MACROD2: variants seen among roughly 807,000 people sequenced by gnomAD.
MACROD2 encodes mono-ADP ribosylhydrolase 2.
A neutral mutation model predicts 70.4 loss-of-function variants in MACROD2; 36 were observed. The ratio of observed to expected loss-of-function variants is 0.51; its 90% confidence interval spans 0.39 to 0.68. The LOEUF is 0.68. Ranked by LOEUF, MACROD2 falls within the 30% of genes least tolerant of loss-of-function variation. The probability of loss-of-function intolerance (pLI) is 0.00; values close to 1 mark genes in which losing one functional copy is unlikely to be tolerated. For missense variants in MACROD2, 496 were observed against 538.4 expected, an observed-to-expected ratio of 0.92 and a Z score of 0.78; for synonymous variants, 172 against 178.8, an observed-to-expected ratio of 0.96 and a Z score of 0.30.
chr20:15,281,469 C>A (rs537552902), intron 6 of MACROD2, among the ~76,000 whole-genome samples: 1 of 152,154 alleles, frequency 6.6e-6, no homozygotes, highest in African/African-American at 2.4e-5. Context: ...TGGATAAATG[C>A]ACCCATTCCA....
chr20:15,261,301 T>A (rs745611454), intron 6 of MACROD2, among the ~76,000 whole-genome samples: 19 of 152,038 alleles, frequency 1.2e-4, no homozygotes, highest in Non-Finnish European at 2.1e-4. Flanking sequence ...TCCCTAGAAT[T>A]AATTAGAAAA....
intron 5 of MACROD2, among the ~76,000 whole-genome samples, chr20:15,193,804 C>T (rs1391794365): frequency 3.3e-5 from 5 of 151,790 alleles, no homozygotes; most frequent in Non-Finnish European, 5.9e-5. Context: ...TACAAAGGAG[C>T]GGGTGAGAAA....
chr20:14,084,510 C>T (rs2054051136), intron 2 of MACROD2, among the ~76,000 whole-genome samples: 1 of 152,050 alleles, frequency 6.6e-6, no homozygotes, highest in Non-Finnish European at 1.5e-5. Flanking sequence ...TTATGAATAG[C>T]AATTCAAAAT....
intron 5 of MACROD2, among the ~76,000 whole-genome samples, chr20:15,205,211 A>T (rs941691490): frequency 6.6e-6 from 1 of 152,184 alleles, no homozygotes; most frequent in African/African-American, 2.4e-5. Flanking sequence ...GAATTTAAAC[A>T]TCTAGACAGA....
chr20:14,843,888 T>C (rs767703790), intron 5 of MACROD2, among the ~76,000 whole-genome samples: 13 of 152,218 alleles, frequency 8.5e-5, no homozygotes, highest in Admixed American at 3.3e-4. Context: ...TATGGCCCTA[T>C]GTTCTGATGC....
chr20:14,493,166 A>G (rs1417959902), intron 3 of MACROD2, among the ~76,000 whole-genome samples: 1 of 151,980 alleles, frequency 6.6e-6, no homozygotes, highest in Non-Finnish European at 1.5e-5. Context: ...GATAAAATGG[A>G]GAGCTCAGAA....
chr20:15,282,972 T>G (rs1321700909), intron 6 of MACROD2, among the ~76,000 whole-genome samples: 1 of 152,108 alleles, frequency 6.6e-6, no homozygotes, highest in Non-Finnish European at 1.5e-5. Context: ...CTTACAATCA[T>G]GGTAGCAAAG....
At chr20:15,238,929 A>G (rs184217144) in intron 6 of MACROD2, among the ~76,000 whole-genome samples, 21 of 152,206 alleles carry the variant, frequency 1.4e-4, no homozygotes, top group Non-Finnish European at 2.8e-4. Context: ...TATTACAGTG[A>G]AATTTGTATA....
At chr20:15,917,814 G>T (rs1293181685) in intron 10 of MACROD2, among the ~76,000 whole-genome samples, 1 of 150,848 alleles carries the variant, frequency 6.6e-6, no homozygotes, top group Non-Finnish European at 1.5e-5. Flanking sequence ...GTATTAACAT[G>T]TATGTGTGAT....
At chr20:14,528,038 A>C (rs1392161137) in intron 4 of MACROD2, among the ~76,000 whole-genome samples, 1 of 152,216 alleles carries the variant, frequency 6.6e-6, no homozygotes, top group Non-Finnish European at 1.5e-5. Context: ...CATATAAACT[A>C]AAATCTTATA....
At chr20:15,760,312 A>G (rs1200069370) in intron 8 of MACROD2, among the ~76,000 whole-genome samples, 1 of 152,208 alleles carries the variant, frequency 6.6e-6, no homozygotes, top group Non-Finnish European at 1.5e-5. Context: ...CGCAAAGGGA[A>G]TGCCTCAAGA....
intron 5 of MACROD2, among the ~76,000 whole-genome samples, chr20:14,856,901 C>T (rs2073260791): frequency 6.6e-6 from 1 of 152,010 alleles, no homozygotes; most frequent in Non-Finnish European, 1.5e-5. Context: ...CACATATTTC[C>T]ATCATCTCAT....
chr20:15,416,766 G>T (rs2046156871), intron 6 of MACROD2, among the ~76,000 whole-genome samples: 1 of 141,534 alleles, frequency 7.1e-6, no homozygotes, highest in African/African-American at 2.8e-5. Context: ...TAGCGGGGCG[G>T]TGGGGGGGCG....
chr20:15,321,167 C>T lies in MACROD2; in HGVS notation c.540+91106C>T, dbSNP rs138148667. 6.6e-5 allele frequency among the ~76,000 whole-genome samples: 7 copies of T among 106,300 alleles called. No homozygotes were observed. In the East Asian group the frequency reaches 1.8e-3, roughly 27 times the overall value. 69.7% of individuals were successfully genotyped at this position (106,300 alleles called of 152,430 possible). On this transcript the variant is annotated intron_variant, in intron 6 of 17. Transcript: ENST00000684519. ...TCAGTTGATAGGGCTGCCAGGCAGA[C>T]AGTGAGCAGAATTCTTTCTGGACTC...
chr20:15,063,208 G>T (rs2075546913), intron 5 of MACROD2, among the ~76,000 whole-genome samples: 1 of 152,282 alleles, frequency 6.6e-6, no homozygotes, highest in Admixed American at 6.5e-5. Flanking sequence ...GGCCCTCAAA[G>T]CAAGAAGCTA....
At chr20:15,096,579 T>C (rs1415070204) in intron 5 of MACROD2, among the ~76,000 whole-genome samples, 1 of 151,120 alleles carries the variant, frequency 6.6e-6, no homozygotes, top group Non-Finnish European at 1.5e-5. Context: ...TGGCGTGATC[T>C]TGGCTCAGTG....
At chr20:15,834,203 G>A (rs1210207016) in intron 8 of MACROD2, among the ~76,000 whole-genome samples, 1 of 152,126 alleles carries the variant, frequency 6.6e-6, no homozygotes, top group Non-Finnish European at 1.5e-5. Flanking sequence ...AGCTGGGTGT[G>A]GTGGTGGGCA....
intron 3 of MACROD2, among the ~76,000 whole-genome samples, chr20:14,440,690 G>A: frequency 6.6e-6 from 1 of 152,154 alleles, no homozygotes; most frequent in East Asian, 1.9e-4. Context: ...GTTGGCCTGG[G>A]GACATGGGTG....
intron 7 of MACROD2, among the ~76,000 whole-genome samples, chr20:15,468,293 T>C (rs1175734394): frequency 2.6e-5 from 4 of 151,314 alleles, no homozygotes; most frequent in African/African-American, 9.7e-5. Flanking sequence ...TTCTATTCAA[T>C]TAAAAAAAAA....
Sources: allele counts gnomAD v4.1 joint callset (sites outside exome capture counted in the v4.1 genomes callset), GRCh38; gene constraint gnomAD v4.1.1; transcripts MANE v1.5; gene names NCBI Gene and HGNC (gene_info 2026-07-23, HGNC 2026-07-21).